The following PARD3B variants were observed in gnomAD, a reference collection of about 807,000 sequenced individuals.
The protein encoded by PARD3B is partitioning defective 3 homolog B.
Under a neutral mutation model 130.2 loss-of-function variants are expected in PARD3B, and 103 were observed. That is an observed-to-expected ratio of 0.79 (90% confidence interval 0.67 to 0.93). The LOEUF (loss-of-function observed/expected upper bound fraction) is 0.93, where lower values mean the gene tolerates loss of function less well. Among genes scored for constraint, PARD3B ranks in the 40% least tolerant of loss-of-function variants. The pLI is 0.00. For missense variants in PARD3B, 1,609 were observed against 1,499.2 expected (o/e 1.07, Z -1.21); for synonymous variants, 583 against 553.2 (o/e 1.05, Z -0.76).
At position 205,015,398 on chromosome 2, in the gene PARD3B, C is replaced by T. The variant is rs750950371; in HGVS notation, c.395-32183C>T. 2.6e-5 allele frequency among the ~76,000 whole-genome samples: 4 copies of T among 152,056 alleles called. No individual in the cohort carries two copies. Among genetic ancestry groups the T allele is most frequent in the African/African-American group, 7.2e-5 (3 of 41,410 alleles). ...GAAAATCCATGTATAAGTGAACCTG[C>T]GCAGCTCGAACCTGTGTTGTTCAAG... On this transcript the variant is annotated intron_variant, in intron 3 of 22. Coordinates refer to ENST00000406610, the MANE Select transcript of PARD3B (RefSeq NM_001302769.2). This position sits in a 1 kb window ranked among gnomAD's most constrained non-coding sequence, Gnocchi z 4.5.
intron 10 of PARD3B, among the ~76,000 whole-genome samples, chr2:205,151,649 T>C (rs1271230550): frequency 6.6e-6 from 1 of 152,194 alleles, no homozygotes; most frequent in Non-Finnish European, 1.5e-5. Flanking sequence ...CTCCATCCCA[T>C]TATTTTGAGC....
intron 5 of PARD3B, among the ~76,000 whole-genome samples, chr2:205,110,157 TCAA>T (rs1703527614): frequency 6.6e-6 from 1 of 152,168 alleles, no homozygotes. Context: ...CTTCCATACC[TCAA>T]CAAGTGACCT....
At chr2:205,236,385 GA>G (rs909123681) in intron 15 of PARD3B, among the ~76,000 whole-genome samples, 71 of 147,836 alleles carry the variant, frequency 4.8e-4, no homozygotes, top group African/African-American at 1.5e-3. Context: ...AAGGACATTA[GA>G]AAAAAAAATT....
chr2:204,894,556 C>T (rs2046575611), intron 2 of PARD3B, among the ~76,000 whole-genome samples: 1 of 151,532 alleles, frequency 6.6e-6, no homozygotes, highest in Admixed American at 6.6e-5. Flanking sequence ...TTCTGTGATT[C>T]TCTGAAATGG....
chr2:205,111,596 G>T (rs752718126), intron 5 of PARD3B, among the ~76,000 whole-genome samples: 3 of 151,876 alleles, frequency 2.0e-5, no homozygotes, highest in Non-Finnish European at 2.9e-5. Context: ...AAGAACATGA[G>T]AATTCATAAA....
rs1291912452 is a variant in PARD3B at position 204,565,075 on chromosome 2, G to C, written c.120+18956G>C. Reference sequence around the variant, plus strand: ...TCCAAGCTAACTCAGGTTGCTAGCAGAACGCTTTCCTTGTTTCTGTAGGAT... The same window carrying C: ...TCCAAGCTAACTCAGGTTGCTAGCACAACGCTTTCCTTGTTTCTGTAGGAT... On this transcript the variant is annotated intron_variant, in intron 1 of 22. Coordinates refer to ENST00000406610, the MANE Select transcript of PARD3B (RefSeq NM_001302769.2). Among the ~76,000 whole-genome samples the C allele has an allele frequency of 2.0e-5, 3 of 152,288 alleles. No homozygotes were observed. In the East Asian group the frequency reaches 5.8e-4, roughly 29 times the overall value.
At chr2:204,729,704 C>T (rs190675980) in intron 2 of PARD3B, among the ~76,000 whole-genome samples, 89 of 152,188 alleles carry the variant, frequency 5.8e-4, no homozygotes, top group African/African-American at 2.0e-3. Flanking sequence ...ATTTTGATCT[C>T]ATTTTTTAAA....
chr2:205,449,155 A>G (rs1348112346), intron 20 of PARD3B, among the ~76,000 whole-genome samples: 1 of 148,446 alleles, frequency 6.7e-6, no homozygotes, highest in East Asian at 2.0e-4. Context: ...AACAAGAGCG[A>G]AACTCCATCT....
chr2:205,034,069 A>G (rs2125369343), intron 3 of PARD3B, among the ~76,000 whole-genome samples: 1 of 152,292 alleles, frequency 6.6e-6, no homozygotes, highest in Middle Eastern at 3.4e-3. Context: ...TTGAGGGGAA[A>G]CAAACCAGAC....
At chr2:204,679,244 C>T (rs575395407) in intron 1 of PARD3B, among the ~76,000 whole-genome samples, 1 of 152,192 alleles carries the variant, frequency 6.6e-6, no homozygotes, top group East Asian at 1.9e-4. Flanking sequence ...AAAAATAATC[C>T]TGCTATGAAT....
intron 2 of PARD3B, among the ~76,000 whole-genome samples, chr2:204,709,076 G>T (rs1409466057): frequency 6.6e-6 from 1 of 151,932 alleles, no homozygotes; most frequent in African/African-American, 2.4e-5. Flanking sequence ...AGCTACTTAG[G>T]GAATGCATGA....
intron 1 of PARD3B, among the ~76,000 whole-genome samples, chr2:204,685,054 G>A (rs1028761086): frequency 3.9e-5 from 6 of 151,982 alleles, no homozygotes; most frequent in Non-Finnish European, 8.8e-5. Flanking sequence ...TGTTTATTGG[G>A]GGTCAGCTAA....
intron 2 of PARD3B, among the ~76,000 whole-genome samples, chr2:204,953,495 A>T (rs1689989171): frequency 6.7e-6 from 1 of 149,954 alleles, no homozygotes; most frequent in Admixed American, 6.7e-5. Context: ...CCAGAGTTTA[A>T]TTCTTTTGAA....
intron 19 of PARD3B, among the ~76,000 whole-genome samples, chr2:205,438,778 G>A (rs757373475): frequency 3.9e-5 from 6 of 152,134 alleles, no homozygotes; most frequent in Non-Finnish European, 8.8e-5. Context: ...TCAAGTTGCC[G>A]TATGCAAAAA....
chr2:205,010,162 G>A (rs1695602321), intron 3 of PARD3B, among the ~76,000 whole-genome samples: 1 of 152,078 alleles, frequency 6.6e-6, no homozygotes, highest in African/African-American at 2.4e-5. Flanking sequence ...AGAGTCGGGG[G>A]AGATCAGTTC....
At chr2:204,621,652 A>G (rs2034307233) in intron 1 of PARD3B, among the ~76,000 whole-genome samples, 2 of 152,206 alleles carry the variant, frequency 1.3e-5, no homozygotes, top group Admixed American at 1.3e-4. Flanking sequence ...GAACTTGACA[A>G]AACATTTCTA....
rs186994927 is a variant in PARD3B, at chr2:204,627,227, C to G, written c.121-58954C>G. ...CTCTTTCCTTTATAAATTACCTAGT[C>G]TTGGGTACTATCTTTATGGCAGTGT... On this transcript the variant is annotated intron_variant, in intron 1 of 22. Transcript: ENST00000406610. 1.5e-4 allele frequency among the ~76,000 whole-genome samples: 23 copies of G among 152,230 alleles called. No individual in the cohort carries two copies. The East Asian group carries it at 4.1e-3, about 27-fold the overall frequency.
At chr2:204,754,340 G>T (rs1444234643) in intron 2 of PARD3B, among the ~76,000 whole-genome samples, 1 of 151,412 alleles carries the variant, frequency 6.6e-6, no homozygotes, top group Non-Finnish European at 1.5e-5. Context: ...ATTATAAGAA[G>T]CAATAAAGCT....
At chr2:204,785,172 A>G (rs1435800412) in intron 2 of PARD3B, among the ~76,000 whole-genome samples, 2 of 152,222 alleles carry the variant, frequency 1.3e-5, no homozygotes, top group East Asian at 3.9e-4. Context: ...TTATTTTTCT[A>G]AATGCTTAAT....
Sources: allele counts gnomAD v4.1 joint callset (sites outside exome capture counted in the v4.1 genomes callset), GRCh38; gene constraint gnomAD v4.1.1; non-coding constraint Gnocchi (gnomAD v3.1); transcripts MANE v1.5; gene names NCBI Gene and HGNC (gene_info 2026-07-23, HGNC 2026-07-21).